The following DGKI variants were observed in gnomAD, a reference collection of about 807,000 sequenced individuals.
DGKI encodes the protein diacylglycerol kinase iota, also known as DAG kinase iota.
In DGKI, 55 loss-of-function variants were observed where a neutral mutation model predicts 147.5. The observed-to-expected ratio is 0.37, with a 90% confidence interval of 0.30 to 0.47. DGKI has a LOEUF of 0.47. Among genes scored for constraint, DGKI ranks in the 20% least tolerant of loss-of-function variants. The pLI, the probability that DGKI is intolerant of heterozygous loss-of-function variation, is 1.00. For missense variants in DGKI, 1,007 were observed against 1,323.8 expected, an observed-to-expected ratio of 0.76 and a Z score of 3.71; for synonymous variants, 469 against 477.1, an observed-to-expected ratio of 0.98 and a Z score of 0.22.
At chr7:137,426,104 C>A (rs1454463948) in intron 28 of DGKI, among the ~76,000 whole-genome samples, 1 of 152,142 alleles carries the variant, frequency 6.6e-6, no homozygotes, top group Non-Finnish European at 1.5e-5. Context: ...TTGTCAGATT[C>A]ACCGAAGTTG....
chr7:137,485,425 AGAAAATG>A lies in DGKI; in HGVS notation c.2329-14_2329-8del, dbSNP rs750558347. 6.2e-6 allele frequency: 10 copies of A among 1,600,742 alleles called. No individual in the cohort carries two copies. The African/African-American group carries it at 1.1e-4, about 17-fold the overall frequency. On this transcript the variant is annotated splice_polypyrimidine_tract_variant and splice_region_variant and intron_variant, in intron 22 of 32. Coordinates refer to ENST00000614521, the MANE Select transcript of DGKI (RefSeq NM_001321708.2). ...AAGAAACTGACTGTAGGTCCTAATG[AGAAAATG>A]AAAAAAAAAATCCATACCTTAAAAT...
At chr7:137,532,062 TTA>T (rs1817358180) in intron 20 of DGKI, among the ~76,000 whole-genome samples, 1 of 151,872 alleles carries the variant, frequency 6.6e-6, no homozygotes, top group South Asian at 2.1e-4. Flanking sequence ...TCAGAATGTG[TTA>T]TAAATAAAAA....
intron 28 of DGKI, among the ~76,000 whole-genome samples, chr7:137,426,826 G>T (rs1399444020): frequency 6.6e-6 from 1 of 151,900 alleles, no homozygotes; most frequent in African/African-American, 2.4e-5. Flanking sequence ...ATGGTAAAGG[G>T]ATCAATTCAA....
intron 12 of DGKI, among the ~76,000 whole-genome samples, chr7:137,594,820 T>C (rs931376474): frequency 1.3e-5 from 2 of 152,216 alleles, no homozygotes; most frequent in African/African-American, 4.8e-5. Context: ...ATATACCCCA[T>C]GTTTTTCACA....
chr7:137,828,860 T>C (rs1798139740), intron 1 of DGKI, among the ~76,000 whole-genome samples: 1 of 152,146 alleles, frequency 6.6e-6, no homozygotes, highest in South Asian at 2.1e-4. Flanking sequence ...TTTAACATGA[T>C]GGGAACTGAT....
At chr7:137,431,495 T>G (rs541439643) in intron 28 of DGKI, among the ~76,000 whole-genome samples, 41 of 152,122 alleles carry the variant, frequency 2.7e-4, no homozygotes, top group Non-Finnish European at 5.7e-4. Context: ...GCAAAGTGGA[T>G]TTTAGTGTTT....
intron 10 of DGKI, among the ~76,000 whole-genome samples, chr7:137,608,652 C>A (rs1004500187): frequency 6.6e-6 from 1 of 152,094 alleles, no homozygotes; most frequent in African/African-American, 2.4e-5. Context: ...TTGAGGAATC[C>A]TGAAACATAC....
At chr7:137,650,750 G>A (rs1821997268) in intron 5 of DGKI, among the ~76,000 whole-genome samples, 1 of 152,200 alleles carries the variant, frequency 6.6e-6, no homozygotes, top group South Asian at 2.1e-4. Flanking sequence ...AGAACTGTGA[G>A]AAATAATTTT....
chr7:137,422,608 T>C (rs1431409622), intron 28 of DGKI, among the ~76,000 whole-genome samples: 1 of 119,682 alleles, frequency 8.4e-6, no homozygotes, highest in African/African-American at 3.3e-5. Flanking sequence ...TTTTTTTTTT[T>C]TTTTTTTTTT....
intron 19 of DGKI, among the ~76,000 whole-genome samples, chr7:137,557,759 G>A (rs1374562073): frequency 2.0e-5 from 3 of 152,226 alleles, no homozygotes; most frequent in Non-Finnish European, 4.4e-5. Context: ...CCCTCACTGA[G>A]GCTCCAACTC....
chr7:137,829,130 T>C (rs960058564), intron 1 of DGKI, among the ~76,000 whole-genome samples: 2 of 152,226 alleles, frequency 1.3e-5, no homozygotes, highest in African/African-American at 4.8e-5. Flanking sequence ...ACACATTCTC[T>C]TACATCTAAT....
chr7:137,670,785 C>A (rs931133429), intron 3 of DGKI, among the ~76,000 whole-genome samples: 7 of 152,176 alleles, frequency 4.6e-5, no homozygotes, highest in Non-Finnish European at 8.8e-5. Context: ...CAGCCTGCAC[C>A]CAGCTCAGCC....
At chr7:137,586,691 A>G (rs1251312281) in intron 13 of DGKI, among the ~76,000 whole-genome samples, 1 of 152,156 alleles carries the variant, frequency 6.6e-6, no homozygotes, top group Non-Finnish European at 1.5e-5. Context: ...GCTAAAAAAA[A>G]AAAGTCATAA....
intron 1 of DGKI, among the ~76,000 whole-genome samples, chr7:137,812,479 T>C (rs534027614): frequency 2.6e-5 from 4 of 152,278 alleles, no homozygotes; most frequent in Admixed American, 1.3e-4. Context: ...TAGAGGACAG[T>C]AAGGTGCCAA....
intron 1 of DGKI, among the ~76,000 whole-genome samples, chr7:137,820,582 A>G (rs1174405787): frequency 6.6e-6 from 1 of 152,094 alleles, no homozygotes; most frequent in African/African-American, 2.4e-5. Flanking sequence ...CTCTTGTTTC[A>G]ACAGTTGCTA....
At chr7:137,554,999 C>T (rs972241047) in intron 19 of DGKI, among the ~76,000 whole-genome samples, 1 of 148,848 alleles carries the variant, frequency 6.7e-6, no homozygotes, top group African/African-American at 2.5e-5. Flanking sequence ...TCACTGCAAC[C>T]TCCACCTCCC....
intron 20 of DGKI, among the ~76,000 whole-genome samples, chr7:137,545,369 C>G (rs1817830235): frequency 6.6e-6 from 1 of 152,098 alleles, no homozygotes; most frequent in South Asian, 2.1e-4. Flanking sequence ...AAATAATACC[C>G]TGGACTACAT....
At chr7:137,833,850 G>A (rs1332612912) in intron 1 of DGKI, among the ~76,000 whole-genome samples, 2 of 152,156 alleles carry the variant, frequency 1.3e-5, no homozygotes, top group Non-Finnish European at 2.9e-5. Context: ...GCCCCTCAAG[G>A]CTACACACAA....
intron 23 of DGKI, among the ~76,000 whole-genome samples, chr7:137,480,646 T>G (rs977531955): frequency 6.6e-6 from 1 of 152,072 alleles, no homozygotes; most frequent in South Asian, 2.1e-4. Context: ...CCCTGAAGAA[T>G]GAAAAGGCTT....
Sources: allele counts gnomAD v4.1 joint callset (sites outside exome capture counted in the v4.1 genomes callset), GRCh38; gene constraint gnomAD v4.1.1; transcripts MANE v1.5; gene names NCBI Gene and HGNC (gene_info 2026-07-23, HGNC 2026-07-21).